The following ERICH6B variants were observed in gnomAD, a reference collection of about 807,000 sequenced individuals.
The protein encoded by ERICH6B is glutamate-rich protein 6B.
In ERICH6B, 69 loss-of-function variants were observed where a neutral mutation model predicts 80.0. That is an observed-to-expected ratio of 0.86 (90% CI 0.71 to 1.05). The LOEUF (loss-of-function observed/expected upper bound fraction) is 1.05. Among genes scored for constraint, ERICH6B ranks in the 50% least tolerant of loss-of-function variants. The probability of loss-of-function intolerance (pLI) is 0.00; values close to 1 mark genes in which losing one functional copy is unlikely to be tolerated. For synonymous variants in ERICH6B, 283 were observed against 291.9 expected, an observed-to-expected ratio of 0.97 and a Z score of 0.31; for missense variants, 754 against 796.1, an observed-to-expected ratio of 0.95 and a Z score of 0.64.
At chr13:45,550,715 C>G (rs994522448) in intron 11 of ERICH6B, among the ~76,000 whole-genome samples, 1 of 152,136 alleles carries the variant, frequency 6.6e-6, no homozygotes, top group African/African-American at 2.4e-5. Flanking sequence ...CTCTTCCATG[C>G]TTTTCTCTTG....
intron 2 of ERICH6B, among the ~76,000 whole-genome samples, chr13:45,605,985 C>A (rs1001640212): frequency 3.9e-5 from 6 of 152,196 alleles, no homozygotes; most frequent in African/African-American, 1.4e-4. Flanking sequence ...ATTTGATATT[C>A]AATGTCTGTC....
intron 13 of ERICH6B, among the ~76,000 whole-genome samples, chr13:45,548,826 A>G (rs939638268): frequency 1.3e-5 from 2 of 152,268 alleles, no homozygotes; most frequent in Non-Finnish European, 2.9e-5. Flanking sequence ...AGGGGAGGGC[A>G]GATACCTCCA....
intron 3 of ERICH6B, among the ~76,000 whole-genome samples, chr13:45,591,954 A>C (rs1876174522): frequency 6.6e-6 from 1 of 152,208 alleles, no homozygotes. Context: ...AAATAGGTGC[A>C]CAACTTATTA....
intron 2 of ERICH6B, among the ~76,000 whole-genome samples, chr13:45,597,649 A>G (rs1876455568): frequency 6.6e-6 from 1 of 152,158 alleles, no homozygotes; most frequent in Non-Finnish European, 1.5e-5. Context: ...GGCAAATGCT[A>G]CATATGTTTT....
intron 8 of ERICH6B, among the ~76,000 whole-genome samples, chr13:45,570,551 C>T (rs1274084096): frequency 2.6e-5 from 4 of 152,222 alleles, no homozygotes; most frequent in Non-Finnish European, 4.4e-5. Flanking sequence ...TTAGCTTCCT[C>T]TCCTTGGCTT....
chr13:45,573,083 GCTA>G (rs1875242636), intron 8 of ERICH6B, among the ~76,000 whole-genome samples: 1 of 152,124 alleles, frequency 6.6e-6, no homozygotes, highest in Middle Eastern at 3.4e-3. Context: ...AGCATCAACT[GCTA>G]GAAATTTATT....
intron 7 of ERICH6B, among the ~76,000 whole-genome samples, chr13:45,577,276 C>CTTTTTTTTTTTTTTTTTTTTTTTT (rs34244794): frequency 3.9e-4 from 34 of 86,082 alleles, no homozygotes; most frequent in South Asian, 1.1e-3. Flanking sequence ...AAAAACAAAT[C>CTTTTTTTTTTTTTTTTTTTTTTTT]TTTTTTTTTT....
chr13:45,593,810 T>A (rs530609832), intron 3 of ERICH6B, among the ~76,000 whole-genome samples: 1 of 152,322 alleles, frequency 6.6e-6, no homozygotes, highest in Admixed American at 6.5e-5. Flanking sequence ...GCCCAGACAA[T>A]CCCTCAAAAT....
intron 1 of ERICH6B, among the ~76,000 whole-genome samples, chr13:45,610,946 T>G (rs1465537357): frequency 2.0e-5 from 3 of 151,980 alleles, no homozygotes; most frequent in Admixed American, 2.0e-4. Context: ...TCCTATATGC[T>G]TGGGAAGAGA....
intron 1 of ERICH6B, among the ~76,000 whole-genome samples, chr13:45,612,624 C>T (rs1288191610): frequency 6.6e-6 from 1 of 152,118 alleles, no homozygotes; most frequent in Non-Finnish European, 1.5e-5. Flanking sequence ...CTGTTAATGC[C>T]CCATGTGACA....
intron 13 of ERICH6B, among the ~76,000 whole-genome samples, chr13:45,545,547 T>G (rs1873959535): frequency 1.3e-5 from 2 of 152,250 alleles, no homozygotes. Flanking sequence ...GGTTATCATC[T>G]TAAATCCTAA....
chr13:45,565,501 T>G (rs919002348), intron 9 of ERICH6B, among the ~76,000 whole-genome samples: 1 of 152,198 alleles, frequency 6.6e-6, no homozygotes, highest in African/African-American at 2.4e-5. Flanking sequence ...CACCCAAATC[T>G]TATCTTGAAT....
At chr13:45,583,763 C>T (rs140742102) in intron 5 of ERICH6B, among the ~76,000 whole-genome samples, 1 of 152,214 alleles carries the variant, frequency 6.6e-6, no homozygotes, top group Non-Finnish European at 1.5e-5. Flanking sequence ...CTCTTGCCTG[C>T]TGCCATGTAA....
chr13:45,568,346 C>T lies in ERICH6B; in HGVS notation c.1156G>A (p.Glu386Lys), dbSNP rs1875009623. The change falls in exon 9 of 15, where the codon GAA becomes AAA. Residue 386 changes from glutamate to lysine, a missense_variant. Coordinates refer to ENST00000298738, the MANE Select transcript of ERICH6B (RefSeq NM_182542.3). ...DFDIPLTKLL[E>K]SENRWKLVIM... ...ACCAGTTTCCATCTGTTTTCACTTT[C>T]CAGTAGCTTAGTTAGGGGAATGTCA... 1.3e-6 allele frequency: 2 copies of T among 1,546,856 alleles called. No individual in the cohort carries two copies. The highest frequency in any genetic ancestry group is 1.2e-5 in the South Asian group (1 of 82,632).
chr13:45,562,602 G>A (rs756260035), intron 10 of ERICH6B, among the ~76,000 whole-genome samples: 1 of 152,176 alleles, frequency 6.6e-6, no homozygotes, highest in Non-Finnish European at 1.5e-5. Flanking sequence ...TTAAGGGGAT[G>A]TCAGTTAGGA....
intron 7 of ERICH6B, 81 bp from the exon 8 acceptor site, chr13:45,575,011 A>G (rs1875334228): frequency 1.1e-6 from 1 of 914,444 alleles, no homozygotes; most frequent in East Asian, 2.6e-5. Context: ...AAAGAATAGA[A>G]ATAGATTGAT....
intron 14 of ERICH6B, among the ~76,000 whole-genome samples, chr13:45,543,518 A>G (rs1873870479): frequency 6.6e-6 from 1 of 152,184 alleles, no homozygotes; most frequent in African/African-American, 2.4e-5. Flanking sequence ...ACACACAGAG[A>G]AGAAGGCTGT....
chr13:45,549,878 A>G lies in ERICH6B; in HGVS notation c.1646+15T>C. ...CCATGGGCAGGAGTGTTAGGGACTC[A>G]TGACCCAAGCTTACCAGATATCACT... On this transcript the variant is annotated intron_variant, in intron 13 of 14. Coordinates refer to ENST00000298738, the MANE Select transcript of ERICH6B (RefSeq NM_182542.3). 1 of 1,547,702 alleles carries G rather than the reference A, an allele frequency of 6.5e-7. No homozygotes were observed. Among genetic ancestry groups the G allele is most frequent in the South Asian group, 1.2e-5 (1 of 83,976 alleles).
At chr13:45,591,393 G>A (rs1223658658) in intron 3 of ERICH6B, among the ~76,000 whole-genome samples, 4 of 152,150 alleles carry the variant, frequency 2.6e-5, no homozygotes, top group African/African-American at 4.8e-5. Context: ...TCAGGAGATC[G>A]AGACCATCCT....
Sources: gnomAD v4.1 joint callset for allele counts (sites outside exome capture counted in the v4.1 genomes callset) on GRCh38, gnomAD v4.1.1 for gene constraint, MANE v1.5 for transcripts, NCBI Gene and HGNC (gene_info 2026-07-23, HGNC 2026-07-21) for gene names.